The following SH3RF3 variants were observed in gnomAD, a reference collection of about 807,000 sequenced individuals.
SH3RF3 encodes SH3 domain containing ring finger 3.
In SH3RF3, 29 loss-of-function variants were observed where a neutral mutation model predicts 66.3. That is an observed-to-expected ratio of 0.44 (90% CI 0.33 to 0.60). SH3RF3 has a LOEUF of 0.60. SH3RF3 is among the 20% of genes least tolerant of loss of function. The pLI, the probability that SH3RF3 is intolerant of heterozygous loss-of-function variation, is 0.04. For synonymous variants in SH3RF3, 583 were observed against 532.0 expected (o/e 1.10, Z -1.32); for missense variants, 1,194 against 1,190.9 (o/e 1.00, Z -0.04).
chr2:109,240,934 T>A (rs1378016521), intron 1 of SH3RF3, among the ~76,000 whole-genome samples: 2 of 149,054 alleles, frequency 1.3e-5, no homozygotes, highest in South Asian at 2.3e-4. Flanking sequence ...ATGTTCCATC[T>A]TCTTTCTCCC....
At chr2:109,226,201 T>A (rs1679370447) in intron 1 of SH3RF3, among the ~76,000 whole-genome samples, 1 of 152,250 alleles carries the variant, frequency 6.6e-6, no homozygotes, top group Non-Finnish European at 1.5e-5. Context: ...CAGCTCTGCT[T>A]GTCAACATCT....
chr2:109,387,643 G>T (rs1675860508), intron 3 of SH3RF3, among the ~76,000 whole-genome samples: 1 of 152,182 alleles, frequency 6.6e-6, no homozygotes, highest in Non-Finnish European at 1.5e-5. Context: ...TTAACCTGCA[G>T]CCCCTCAGCA....
intron 9 of SH3RF3, 37 bp from the exon 10 acceptor site, chr2:109,501,466 G>T (rs1390715703): frequency 1.3e-5 from 10 of 759,184 alleles, no homozygotes; most frequent in Middle Eastern, 4.5e-4. Context: ...GATGGAGATT[G>T]TCTGTGTGGG....
intron 3 of SH3RF3, among the ~76,000 whole-genome samples, chr2:109,381,121 A>G (rs865848527): frequency 6.6e-6 from 1 of 152,300 alleles, no homozygotes; most frequent in South Asian, 2.1e-4. Flanking sequence ...CCTGGTCTGG[A>G]TGCGACGATG....
At chr2:109,233,866 G>A (rs745905241) in intron 1 of SH3RF3, among the ~76,000 whole-genome samples, 7 of 152,196 alleles carry the variant, frequency 4.6e-5, no homozygotes, top group South Asian at 2.1e-4. Context: ...GGTCTGCATT[G>A]TTTTGTCTAT....
chr2:109,326,164 T>C (rs1442186949), intron 1 of SH3RF3, among the ~76,000 whole-genome samples: 1 of 152,250 alleles, frequency 6.6e-6, no homozygotes, highest in Non-Finnish European at 1.5e-5. Flanking sequence ...CTGTTCTTGG[T>C]GCTGAATATT....
chr2:109,414,242 C>T (rs1306596568), intron 4 of SH3RF3, among the ~76,000 whole-genome samples: 2 of 152,186 alleles, frequency 1.3e-5, no homozygotes, highest in Non-Finnish European at 2.9e-5. Context: ...TGTTGAGGGC[C>T]TATTCTGTGT....
chr2:109,303,448 AC>A (rs1353579685), intron 1 of SH3RF3, among the ~76,000 whole-genome samples: 1 of 152,230 alleles, frequency 6.6e-6, no homozygotes, highest in East Asian at 1.9e-4. Flanking sequence ...GTAGACTGGT[AC>A]ATGGCAGAAC....
At chr2:109,206,919 G>C (rs1678855828) in intron 1 of SH3RF3, among the ~76,000 whole-genome samples, 2 of 152,210 alleles carry the variant, frequency 1.3e-5, no homozygotes, top group Admixed American at 6.5e-5. Flanking sequence ...CTTGTGTTTG[G>C]GATAGCATGT....
rs576864624 is a variant in SH3RF3, at chr2:109,252,213, G to A, written c.574-95461G>A. Among the ~76,000 whole-genome samples, 15 of 149,882 alleles carry A rather than the reference G, an allele frequency of 1.0e-4. No homozygotes were observed. The East Asian group carries it at 2.5e-3, about 25-fold the overall frequency. ...CAGTGAACCAAGATTGCACCACTGC[G>A]CTCCAGCCCAGGTGACACAGTGAGA... On this transcript the variant is annotated intron_variant, in intron 1 of 9. Coordinates refer to ENST00000309415, the MANE Select transcript of SH3RF3 (RefSeq NM_001099289.3).
intron 1 of SH3RF3, among the ~76,000 whole-genome samples, chr2:109,252,283 A>T (rs1306085608): frequency 6.6e-6 from 1 of 152,126 alleles, no homozygotes; most frequent in East Asian, 1.9e-4. Flanking sequence ...CAACATTATA[A>T]TTTAAAAAGA....
intron 1 of SH3RF3, among the ~76,000 whole-genome samples, chr2:109,233,683 G>A (rs907281437): frequency 6.6e-6 from 1 of 152,220 alleles, no homozygotes; most frequent in African/African-American, 2.4e-5. Context: ...CACTCAAGAT[G>A]CAGAGCTCTA....
chr2:109,409,845 G>T (rs1473904077), intron 4 of SH3RF3, among the ~76,000 whole-genome samples: 2 of 152,212 alleles, frequency 1.3e-5, no homozygotes, highest in South Asian at 2.1e-4. Flanking sequence ...TTTACACCCC[G>T]TGTAATGGAG....
intron 1 of SH3RF3, among the ~76,000 whole-genome samples, chr2:109,170,657 A>G (rs568787869): frequency 6.6e-5 from 10 of 152,242 alleles, no homozygotes; most frequent in Non-Finnish European, 1.0e-4. Flanking sequence ...GTCAAACAGA[A>G]TATTTCCTAA....
At chr2:109,234,560 G>A (rs1679598596) in intron 1 of SH3RF3, among the ~76,000 whole-genome samples, 1 of 152,246 alleles carries the variant, frequency 6.6e-6, no homozygotes, top group African/African-American at 2.4e-5. Context: ...CTGTTGTGCT[G>A]CAGTAACAGG....
intron 1 of SH3RF3, among the ~76,000 whole-genome samples, chr2:109,194,575 C>T (rs1017807031): frequency 2.6e-5 from 4 of 152,184 alleles, no homozygotes; most frequent in East Asian, 3.9e-4. Context: ...CAGGGCCCGG[C>T]GGGCGGGCTG....
chr2:109,307,435 T>TTTTA (rs5833326), intron 1 of SH3RF3, among the ~76,000 whole-genome samples: 1 of 150,354 alleles, frequency 6.7e-6, no homozygotes, highest in Non-Finnish European at 1.5e-5. Flanking sequence ...TTTTTTTTAT[T>TTTTA]ATTATACTTT....
chr2:109,306,025 G>C (rs185470264), intron 1 of SH3RF3, among the ~76,000 whole-genome samples: 1 of 152,228 alleles, frequency 6.6e-6, no homozygotes, highest in Admixed American at 6.5e-5. Context: ...CTTCAGGAGT[G>C]ATTCGCTGCC....
intron 1 of SH3RF3, among the ~76,000 whole-genome samples, chr2:109,275,989 A>G (rs961917267): frequency 7.9e-5 from 12 of 152,188 alleles, no homozygotes; most frequent in African/African-American, 1.7e-4. Flanking sequence ...GGAGACGAAC[A>G]TGCCCCCATT....
Sources: allele counts gnomAD v4.1 joint callset (sites outside exome capture counted in the v4.1 genomes callset), GRCh38; gene constraint gnomAD v4.1.1; transcripts MANE v1.5; gene names NCBI Gene and HGNC (gene_info 2026-07-23, HGNC 2026-07-21).